STOX1: variants seen among roughly 807,000 people sequenced by gnomAD.
The protein encoded by STOX1 is storkhead-box protein 1.
A neutral mutation model predicts 74.8 loss-of-function variants in STOX1; 57 were observed. That is an observed-to-expected ratio of 0.76 (90% confidence interval 0.62 to 0.95). The LOEUF (loss-of-function observed/expected upper bound fraction) is 0.95, where lower values mean the gene tolerates loss of function less well. Ranked by LOEUF, STOX1 falls within the 40% of genes least tolerant of loss-of-function variation. The probability of loss-of-function intolerance (pLI) is 0.00; values close to 1 mark genes in which losing one functional copy is unlikely to be tolerated. For synonymous variants in STOX1, 375 were observed against 401.3 expected, an observed-to-expected ratio of 0.93 and a Z score of 0.78; for missense variants, 1,010 against 1,117.0, an observed-to-expected ratio of 0.90 and a Z score of 1.37.
intron 1 of STOX1, among the ~76,000 whole-genome samples, chr10:68,870,146 A>G (rs1840502953): frequency 6.6e-6 from 1 of 152,012 alleles, no homozygotes; most frequent in South Asian, 2.1e-4. Context: ...ATTTTTATTT[A>G]TTTTATTTTT....
Position 68,886,414 on chromosome 10 carries a change from C to CT in STOX1, c.2619dup (p.Ile874TyrfsTer3). ...TTTGAAGCTGAAGTCATACAAGACA[C>CT]TATTGGTGACACAGGAAAGAAGCCA... On this transcript the variant is annotated frameshift_variant, in exon 3 of 4. Coordinates refer to ENST00000298596, the MANE Select transcript of STOX1 (RefSeq NM_152709.5). LOFTEE classifies it high-confidence loss of function. The CT allele has an allele frequency of 1.2e-6, 2 of 1,614,186 alleles. No homozygotes were observed. The highest frequency in any genetic ancestry group is 1.7e-6 in the Non-Finnish European group (2 of 1,180,034).
At chr10:68,891,824 C>CT (rs34750496) in intron 3 of STOX1, among the ~76,000 whole-genome samples, 15,490 of 148,884 alleles carry the variant, frequency 0.1, 1,038 homozygotes, top group Admixed American at 0.16. Context: ...AGCAAAAATA[C>CT]TTTTTTTGTG....
In STOX1 at chr10:68,827,747, C is replaced by G. The variant is rs1341933524; in HGVS notation, c.124C>G (p.Arg42Gly). Residue 42 changes from arginine (R) to glycine (G), a missense_variant, in exon 1 of 4, where the codon CGC (arginine) becomes GGC (glycine). Arg to Gly is a moderately radical substitution (Grantham distance 125). Transcript: ENST00000298596. Reference sequence around the variant, plus strand: ...GCGCGCGGTGTTCCGCGCTTTCCGTCGCGCCAACGCGCGCTGCTTCTGGAA... The same window carrying G: ...GCGCGCGGTGTTCCGCGCTTTCCGTGGCGCCAACGCGCGCTGCTTCTGGAA... ...GGRAVFRAFR[R>G]ANARCFWNAR... The G allele has an allele frequency of 1.3e-6, 1 of 758,606 alleles. No homozygotes were observed. Among genetic ancestry groups the G allele is most frequent in the Non-Finnish European group, 1.6e-6 (1 of 628,868 alleles). 47.0% of individuals were successfully genotyped at this position (758,606 alleles called of 1,614,324 possible).
chr10:68,839,115 G>A (rs1182265254), intron 1 of STOX1, among the ~76,000 whole-genome samples: 3 of 152,170 alleles, frequency 2.0e-5, no homozygotes, highest in African/African-American at 4.8e-5. Context: ...CCCAAAGTGA[G>A]CTACAGATTC....
downstream of STOX1, among the ~76,000 whole-genome samples, chr10:68,894,295 G>A (rs1389697186): frequency 9.2e-5 from 14 of 152,010 alleles, no homozygotes; most frequent in African/African-American, 3.1e-4. Context: ...TCCTGACCTC[G>A]TGATTCGCCT....
intron 3 of STOX1, among the ~76,000 whole-genome samples, chr10:68,889,063 C>T (rs11812410): frequency 6.6e-6 from 1 of 152,072 alleles, no homozygotes; most frequent in Admixed American, 6.6e-5. Flanking sequence ...TCACTGCAGC[C>T]TAGGCCTCCT....
rs559890683 is a variant in STOX1 at position 68,863,946 on chromosome 10, A to G, written c.311-18012A>G. Among the ~76,000 whole-genome samples the G allele has an allele frequency of 4.1e-5, 6 of 146,490 alleles. No individual in the cohort carries two copies. In the Admixed American group the frequency reaches 4.1e-4, roughly 10 times the overall value. ...TTTTTTTTTTTTTTTTTTCTCTGAG[A>G]CAAAGTCTCGCTCTCTCACCCAGGC... On this transcript the variant is annotated intron_variant, in intron 1 of 3. Transcript: ENST00000298596.
In STOX1 at chr10:68,882,001, G is replaced by T. The variant is rs773489287; in HGVS notation, c.354G>T (p.Gln118His). 18 of 1,613,518 alleles carry T rather than the reference G, an allele frequency of 1.1e-5. 1 individual carries two copies. The highest frequency in any genetic ancestry group is 1.1e-5 in the Non-Finnish European group (13 of 1,179,896). Residue 118 changes from glutamine to histidine, a missense_variant, in exon 2 of 4, where the codon CAG becomes CAT. Coordinates refer to ENST00000298596, the MANE Select transcript of STOX1 (RefSeq NM_152709.5). The stretch of plus-strand genomic sequence containing the variant: ...AAATGAATCCAATAACTCAATCTCA[G>T]TTCGTACCTTTGGGTGAAGTTCTTT... ...PVQMNPITQS[Q>H]FVPLGEVLCC... is the part of the protein sequence containing the mutation.
chr10:68,833,906 A>G (rs1839476470), intron 1 of STOX1, among the ~76,000 whole-genome samples: 1 of 152,242 alleles, frequency 6.6e-6, no homozygotes, highest in Admixed American at 6.5e-5. Flanking sequence ...GCCTCTGCTC[A>G]AGGGAAATAG....
chr10:68,858,351 C>T (rs989343832), intron 1 of STOX1, among the ~76,000 whole-genome samples: 1 of 152,066 alleles, frequency 6.6e-6, no homozygotes, highest in African/African-American at 2.4e-5. Flanking sequence ...AGGCAATGGC[C>T]TTGTGAACAT....
In STOX1 at chr10:68,861,254, A is replaced by G. The variant is rs565801778; in HGVS notation, c.311-20704A>G. On this transcript the variant is annotated intron_variant, in intron 1 of 3. Transcript: ENST00000298596. The stretch of plus-strand genomic sequence containing the variant: ...CCACCTATTTATTGACAGTAAGCCC[A>G]TGATAAACATCGTTTCTGCAGTTTA... Among the ~76,000 whole-genome samples, 51 of 152,274 alleles carry G rather than the reference A, an allele frequency of 3.3e-4. 2 individuals carry two copies. The South Asian group carries it at 0.01, about 31-fold the overall frequency.
At chr10:68,847,253 A>G (rs184300492) in intron 1 of STOX1, among the ~76,000 whole-genome samples, 1 of 152,322 alleles carries the variant, frequency 6.6e-6, no homozygotes, top group East Asian at 1.9e-4. Flanking sequence ...ATCTGTATCA[A>G]CTGAGGGGAA....
Position 68,884,748 on chromosome 10 carries a change from C to T in STOX1, c.952C>T (p.Arg318Cys), listed in dbSNP as rs149218532. Reference protein sequence around the residue: ...GKKFGFSLLWRSLSRKEKPKT... With the variant: ...GKKFGFSLLWCSLSRKEKPKT... ...GAAGTTTGGTTTTAGTCTCTTATGGCGCAGCTTATCTAGAAAGGAGAAGCC... is the reference window on the plus strand; with the variant it reads ...GAAGTTTGGTTTTAGTCTCTTATGGTGCAGCTTATCTAGAAAGGAGAAGCC... Residue 318 changes from arginine (R) to cysteine (C), a missense_variant, in exon 3 of 4, where the codon CGC becomes TGC. Transcript: ENST00000298596. 1.5e-4 allele frequency: 244 copies of T among 1,614,152 alleles called. No homozygotes were observed. The highest frequency in any genetic ancestry group is 1.5e-4 in the Non-Finnish European group (180 of 1,180,014).
Position 68,892,809 on chromosome 10 carries a change from G to T in STOX1, c.*73G>T, listed in dbSNP as rs41278536. 4.3e-5 allele frequency: 64 copies of T among 1,481,490 alleles called. No homozygotes were observed. Among genetic ancestry groups the T allele is most frequent in the Non-Finnish European group, 5.4e-5 (58 of 1,069,422 alleles). 91.8% of individuals were successfully genotyped at this position (1,481,490 alleles called of 1,614,324 possible). ...ATTACAGAATCTTTCAATCATGTAAGAATTGAGTATATAAGAATTGTCTAA... is the reference window on the plus strand; with the variant it reads ...ATTACAGAATCTTTCAATCATGTAATAATTGAGTATATAAGAATTGTCTAA... On this transcript the variant is annotated 3_prime_UTR_variant, in exon 4 of 4. Coordinates refer to ENST00000298596, the MANE Select transcript of STOX1 (RefSeq NM_152709.5).
At chr10:68,867,165 T>C (rs1439395145) in intron 1 of STOX1, among the ~76,000 whole-genome samples, 1 of 152,050 alleles carries the variant, frequency 6.6e-6, no homozygotes, top group Non-Finnish European at 1.5e-5. Flanking sequence ...CAGGATGGTC[T>C]CAATCTCCTG....
intron 1 of STOX1, among the ~76,000 whole-genome samples, chr10:68,837,177 A>C (rs12764382): frequency 0.075 from 11,370 of 152,308 alleles, 569 homozygotes; most frequent in South Asian, 0.18. Context: ...GGGAGCAATA[A>C]AAGGATAGCT....
chr10:68,864,832 C>T (rs866499155), intron 1 of STOX1, among the ~76,000 whole-genome samples: 26 of 152,334 alleles, frequency 1.7e-4, no homozygotes, highest in Middle Eastern at 6.8e-3. Context: ...GGATAGAAAA[C>T]AGATTACTCA....
intron 1 of STOX1, among the ~76,000 whole-genome samples, chr10:68,861,638 A>C (rs528185568): frequency 6.6e-6 from 1 of 152,268 alleles, no homozygotes; most frequent in East Asian, 1.9e-4. Context: ...TGGGATTTGC[A>C]TCTGCAGACT....
chr10:68,861,516 T>C (rs1298532728), intron 1 of STOX1, among the ~76,000 whole-genome samples: 1 of 152,124 alleles, frequency 6.6e-6, no homozygotes, highest in Non-Finnish European at 1.5e-5. Context: ...GCTGTGGAGA[T>C]CTTGTTTATG....
Sources: allele counts gnomAD v4.1 joint callset (sites outside exome capture counted in the v4.1 genomes callset), GRCh38; gene constraint gnomAD v4.1.1; transcripts MANE v1.5; gene names NCBI Gene and HGNC (gene_info 2026-07-23, HGNC 2026-07-21).